Variants in SNX29 observed in about 807,000 individuals in gnomAD.
The protein encoded by SNX29 is sorting nexin-29.
A neutral mutation model predicts 102.1 loss-of-function variants in SNX29; 78 were observed. The ratio of observed to expected loss-of-function variants is 0.76; its 90% CI spans 0.64 to 0.92. The LOEUF (loss-of-function observed/expected upper bound fraction) is 0.92. SNX29 is among the 40% of genes least tolerant of loss of function. The pLI, the probability that SNX29 is intolerant of heterozygous loss-of-function variation, is 0.00. For synonymous variants in SNX29, 580 were observed against 414.5 expected (o/e 1.40, Z -4.85); for missense variants, 1,280 against 1,061.7 (o/e 1.21, Z -2.86).
chr16:12,403,069 G>A (rs550749300), intron 17 of SNX29, among the ~76,000 whole-genome samples: 20 of 152,138 alleles, frequency 1.3e-4, no homozygotes, highest in Non-Finnish European at 2.5e-4. Context: ...TCCTGTGATC[G>A]CGTCCTTGGG....
At chr16:12,269,560 T>C (rs1295883322) in intron 14 of SNX29, among the ~76,000 whole-genome samples, 1 of 152,196 alleles carries the variant, frequency 6.6e-6, no homozygotes, top group African/African-American at 2.4e-5. Context: ...GCCATGTAGA[T>C]AAAAGCTTCT....
At chr16:12,078,089 C>A (rs1230447799) in intron 10 of SNX29, among the ~76,000 whole-genome samples, 3 of 152,218 alleles carry the variant, frequency 2.0e-5, no homozygotes, top group Non-Finnish European at 2.9e-5. Flanking sequence ...CAAATTATCT[C>A]CATACGGCAC....
At chr16:12,490,859 G>A (rs533925388) in intron 19 of SNX29, among the ~76,000 whole-genome samples, 2 of 152,346 alleles carry the variant, frequency 1.3e-5, no homozygotes, top group East Asian at 3.9e-4. Flanking sequence ...ATTAATCAAT[G>A]TTAACATTTA....
At position 12,069,848 on chromosome 16, in the gene SNX29, G is replaced by A. The variant is rs150446497; in HGVS notation, c.1319+716G>A. Reference sequence around the variant, plus strand: ...TGGGACTACAGGCGCCCGCCACTGCGCCCGGCTAACTTTTTGTATTTTCAG... The same window carrying A: ...TGGGACTACAGGCGCCCGCCACTGCACCCGGCTAACTTTTTGTATTTTCAG... On this transcript the variant is annotated intron_variant, in intron 10 of 20. Coordinates refer to ENST00000566228, the MANE Select transcript of SNX29 (RefSeq NM_032167.5). Among the ~76,000 whole-genome samples, 313 of 152,096 alleles carry A rather than the reference G, an allele frequency of 2.1e-3. 2 individuals are homozygous for A. Among genetic ancestry groups the A allele is most frequent in the African/African-American group, 4.9e-3 (205 of 41,492 alleles).
intron 18 of SNX29, among the ~76,000 whole-genome samples, chr16:12,410,312 A>G (rs913195319): frequency 1.3e-5 from 2 of 151,714 alleles, no homozygotes; most frequent in African/African-American, 4.8e-5. Context: ...TTCTTCTAGA[A>G]TAAGTTCTGT....
intron 16 of SNX29, among the ~76,000 whole-genome samples, chr16:12,381,081 C>T (rs1223417256): frequency 2.2e-5 from 1 of 46,444 alleles, no homozygotes; most frequent in African/African-American, 1.0e-4. Context: ...ACCATCCATC[C>T]ACCCACCCAC....
intron 19 of SNX29, among the ~76,000 whole-genome samples, chr16:12,516,481 G>GAA (rs5815691): frequency 0.02 from 2,234 of 109,402 alleles, 59 homozygotes; most frequent in Non-Finnish European, 0.023. Context: ...TCCCGTCTCA[G>GAA]AAAAAAAAAA....
intron 19 of SNX29, among the ~76,000 whole-genome samples, chr16:12,505,837 A>T (rs959508023): frequency 6.8e-6 from 1 of 146,854 alleles, no homozygotes; most frequent in African/African-American, 2.5e-5. Context: ...CAATTTGAGG[A>T]GTATCAGCAT....
chr16:12,053,300 A>C (rs1162335430), intron 8 of SNX29: 1 of 151,382 alleles, frequency 6.6e-6, no homozygotes, highest in Non-Finnish European at 1.5e-5. Flanking sequence ...AAAAAAAAAA[A>C]AAAAAGTCCC....
chr16:12,080,974 G>T (rs754388699), intron 11 of SNX29, among the ~76,000 whole-genome samples: 7 of 152,182 alleles, frequency 4.6e-5, no homozygotes, highest in Non-Finnish European at 7.3e-5. Context: ...GAGCCACCGT[G>T]CCCAGACTGT....
rs560040152 is a variant in SNX29 at position 12,098,165 on chromosome 16, C to T, written c.1402+19250C>T. 1.3e-5 allele frequency among the ~76,000 whole-genome samples: 2 copies of T among 152,330 alleles called. No homozygotes were observed. Among genetic ancestry groups the T allele is most frequent in the South Asian group, 4.1e-4 (2 of 4,826 alleles). ...TGGTTGCAGCCCAGCAGTTCTAACCCTTCCCCTGCCCCCTCCTTCAACTCC... is the reference window on the plus strand; with the variant it reads ...TGGTTGCAGCCCAGCAGTTCTAACCTTTCCCCTGCCCCCTCCTTCAACTCC... On this transcript the variant is annotated intron_variant, in intron 11 of 20. Transcript: ENST00000566228. This position sits in a 1 kb window ranked among gnomAD's most constrained non-coding sequence, Gnocchi z 6.0.
chr16:12,568,757 C>A lies in SNX29; in HGVS notation c.*128C>A. On this transcript the variant is annotated 3_prime_UTR_variant, in exon 21 of 21. Coordinates refer to ENST00000566228, the MANE Select transcript of SNX29 (RefSeq NM_032167.5). The stretch of plus-strand genomic sequence containing the variant: ...TGGTGATCCTGAGAGCACACGATTC[C>A]CAACAGTTACACAACACCCCGATTA... 1 of 1,363,454 alleles carries A rather than the reference C, an allele frequency of 7.3e-7. No homozygotes were observed. Among genetic ancestry groups the A allele is most frequent in the East Asian group, 2.5e-5 (1 of 40,024 alleles). The allele number at this position is 1,363,454 out of a possible 1,614,324, so 84.5% of individuals were successfully genotyped here.
chr16:12,268,212 T>A (rs1173525690), intron 14 of SNX29, among the ~76,000 whole-genome samples: 1 of 152,266 alleles, frequency 6.6e-6, no homozygotes, highest in African/African-American at 2.4e-5. Flanking sequence ...AAATAGTCAC[T>A]TCTTGGGTCT....
intron 20 of SNX29, among the ~76,000 whole-genome samples, chr16:12,561,657 C>A (rs752081191): frequency 5.9e-5 from 9 of 152,168 alleles, no homozygotes; most frequent in Non-Finnish European, 1.2e-4. Context: ...ACTCCTGGGG[C>A]CCTCTGAGGG....
intron 14 of SNX29, 143 bp from the exon 15 acceptor site, chr16:12,277,790 G>GT (rs1414002171): frequency 1.1e-5 from 7 of 640,834 alleles, no homozygotes. Context: ...TGTTGAAGTA[G>GT]TTAGTAAGTG....
chr16:12,288,678 GAAAAA>G (rs532173454), intron 15 of SNX29, among the ~76,000 whole-genome samples: 7 of 107,006 alleles, frequency 6.5e-5, no homozygotes, highest in African/African-American at 2.0e-4. Flanking sequence ...GACATCTGGG[GAAAAA>G]AAAAAAAAAA....
At chr16:12,540,280 G>A (rs953577619) in intron 20 of SNX29, among the ~76,000 whole-genome samples, 23 of 152,142 alleles carry the variant, frequency 1.5e-4, no homozygotes, top group Admixed American at 1.5e-3. Context: ...AGGGAGGACA[G>A]GACTAGAGGC....
At chr16:12,088,686 C>T (rs562928958) in intron 11 of SNX29, among the ~76,000 whole-genome samples, 1 of 152,374 alleles carries the variant, frequency 6.6e-6, no homozygotes, top group South Asian at 2.1e-4. Flanking sequence ...TGGCGCACGC[C>T]TGTAATCCCA....
At chr16:12,321,637 A>T (rs2080934232) in intron 15 of SNX29, among the ~76,000 whole-genome samples, 1 of 152,174 alleles carries the variant, frequency 6.6e-6, no homozygotes, top group Non-Finnish European at 1.5e-5. Context: ...GAGGGCGCTG[A>T]GAGCTGGGCT....
Sources: gnomAD v4.1 joint callset for allele counts (sites outside exome capture counted in the v4.1 genomes callset) on GRCh38, gnomAD v4.1.1 for gene constraint, Gnocchi (gnomAD v3.1) non-coding constraint, MANE v1.5 for transcripts, NCBI Gene and HGNC (gene_info 2026-07-23, HGNC 2026-07-21) for gene names.